The following NMRAL1 variants were observed in gnomAD, a reference collection of about 807,000 sequenced individuals.
The protein encoded by NMRAL1 is NmrA like redox sensor 1.
A neutral mutation model predicts 27.5 loss-of-function variants in NMRAL1; 32 were observed. The ratio of observed to expected loss-of-function variants is 1.16; its 90% confidence interval spans 0.88 to 1.56. The LOEUF is 1.56. NMRAL1 is among the 40% of genes most tolerant of loss of function. NMRAL1 has a pLI of 0.00. For synonymous variants in NMRAL1, 166 were observed against 166.8 expected (o/e 1.00, Z 0.04); for missense variants, 420 against 392.0 (o/e 1.07, Z -0.60).
chr16:4,462,326 A>G (rs1448952615), intron 5 of NMRAL1, among the ~76,000 whole-genome samples: 3 of 151,922 alleles, frequency 2.0e-5, no homozygotes, highest in African/African-American at 7.3e-5. Context: ...CAAAAATACA[A>G]AAATTAGCCA....
intron 5 of NMRAL1, among the ~76,000 whole-genome samples, chr16:4,462,188 AT>A (rs1308068387): frequency 3.9e-5 from 6 of 152,170 alleles, no homozygotes; most frequent in Admixed American, 3.9e-4. Flanking sequence ...CAGTTTAAAG[AT>A]TGTTCTTGGC....
intron 2 of NMRAL1, 172 bp from the exon 3 acceptor site, chr16:4,469,637 T>C: frequency 3.8e-6 from 5 of 1,319,470 alleles, no homozygotes; most frequent in Non-Finnish European, 5.0e-6. Context: ...TGAGATGGAG[T>C]CTCACTCTAT....
At chr16:4,461,998 G>C (rs1336883746) in intron 5 of NMRAL1, 39 bp from the exon 6 acceptor site, 2 of 1,571,232 alleles carry the variant, frequency 1.3e-6, no homozygotes, top group African/African-American at 2.7e-5. Flanking sequence ...GCGTCCTCCA[G>C]TGCCCCGGGA....
chr16:4,474,530 C>G (rs915501177), intron 1 of NMRAL1, 24 bp downstream of exon 1: 19 of 172,036 alleles, frequency 1.1e-4, no homozygotes, highest in Middle Eastern at 2.5e-3. Context: ...GGCGCCAACT[C>G]CCTCCCCGCA....
rs779429702 is a variant in NMRAL1, at chr16:4,462,661, C to T, written c.721-702G>A. 7.2e-4 allele frequency among the ~76,000 whole-genome samples: 110 copies of T among 151,914 alleles called. 1 individual carries two copies. The highest frequency in any genetic ancestry group is 1.3e-3 in the Non-Finnish European group (85 of 67,984). On this transcript the variant is annotated intron_variant, in intron 5 of 5. Coordinates refer to ENST00000283429, the MANE Select transcript of NMRAL1 (RefSeq NM_020677.6). The stretch of plus-strand genomic sequence containing the variant: ...GGTGGAGGTGGGAGGATCGCTTGAG[C>T]CCAGGAGTTAGGCCCACCACGCCGG...
chr16:4,462,381 G>C (rs750536018), intron 5 of NMRAL1, among the ~76,000 whole-genome samples: 1 of 152,192 alleles, frequency 6.6e-6, no homozygotes, highest in African/African-American at 2.4e-5. Context: ...AGGAGGCTGA[G>C]ACAGGAGAAT....
chr16:4,462,856 C>T (rs1464455561), intron 5 of NMRAL1, among the ~76,000 whole-genome samples: 1 of 151,592 alleles, frequency 6.6e-6, no homozygotes, highest in Non-Finnish European at 1.5e-5. Flanking sequence ...CAGTGTTTCC[C>T]AGATTCTTTT....
At position 4,469,430 on chromosome 16, in the gene NMRAL1, C is replaced by A; in HGVS notation, c.76G>T (p.Glu26Ter). 1 of 1,614,050 alleles carries A rather than the reference C, an allele frequency of 6.2e-7. No individual in the cohort carries two copies. Among genetic ancestry groups the A allele is most frequent in the Non-Finnish European group, 8.5e-7 (1 of 1,180,008 alleles). ...QGGSVARTLL[E>*]DGTFKVRVVT... ...ACTCGAACCTTGAATGTCCCATCTT[C>A]CAGGAGTGTGCGGGCCACGGAGCCA... The change falls in exon 3 of 6, where the codon GAA (glutamate) becomes TAA (stop). Residue 26 changes from glutamate (E) to a stop codon, truncating the protein, a stop_gained. Transcript: ENST00000283429. LOFTEE classifies it high-confidence loss of function.
At chr16:4,466,849 G>C (rs549534777) in intron 3 of NMRAL1, among the ~76,000 whole-genome samples, 2 of 152,320 alleles carry the variant, frequency 1.3e-5, no homozygotes, top group South Asian at 2.1e-4. Flanking sequence ...CCCCAGAGAA[G>C]TGATGGCACC....
chr16:4,461,916 C>T lies in NMRAL1; in HGVS notation c.764G>A (p.Arg255Gln), dbSNP rs143394570. ...GAAACGGAACATGTTGGCCAGGTCCCGGGCACCGGGAAAGCCAAGCTTTTC... is the reference window on the plus strand; with the variant it reads ...GAAACGGAACATGTTGGCCAGGTCCTGGGCACCGGGAAAGCCAAGCTTTTC... ...DYEKLGFPGA[R>Q]DLANMFRFYA... Residue 255 changes from arginine to glutamine, a missense_variant, in exon 6 of 6, where the codon CGG (arginine) becomes CAG (glutamine). Coordinates refer to ENST00000283429, the MANE Select transcript of NMRAL1 (RefSeq NM_020677.6). The T allele has an allele frequency of 2.5e-3, 3,989 of 1,614,098 alleles. 20 individuals are homozygous for T. The highest frequency in any genetic ancestry group is 2.3e-3 in the Non-Finnish European group (2,704 of 1,179,990).
At chr16:4,464,616 T>TG (rs1326452420) in intron 4 of NMRAL1, among the ~76,000 whole-genome samples, 1 of 148,022 alleles carries the variant, frequency 6.8e-6, no homozygotes, top group African/African-American at 2.5e-5. Context: ...TGCAGGTTTT[T>TG]TTTTTTTTTT....
chr16:4,469,177 C>T (rs1224808575), intron 3 of NMRAL1, 50 bp downstream of exon 3: 1 of 1,334,384 alleles, frequency 7.5e-7, no homozygotes, highest in African/African-American at 1.4e-5. Flanking sequence ...CTCCCAGGCG[C>T]TCTGCTCCTA....
chr16:4,473,769 T>C (rs1282149105), intron 2 of NMRAL1, among the ~76,000 whole-genome samples: 2 of 151,830 alleles, frequency 1.3e-5, no homozygotes, highest in Non-Finnish European at 2.9e-5. Flanking sequence ...CTACTAAAAA[T>C]ACAAAAATTA....
At chr16:4,468,567 G>A (rs1010123140) in intron 3 of NMRAL1, among the ~76,000 whole-genome samples, 4 of 147,140 alleles carry the variant, frequency 2.7e-5, no homozygotes, top group Non-Finnish European at 4.4e-5. Context: ...AGTGAGCCGA[G>A]ATCACCCCAC....
At chr16:4,469,941 G>C (rs1315072059) in intron 2 of NMRAL1, among the ~76,000 whole-genome samples, 1 of 151,334 alleles carries the variant, frequency 6.6e-6, no homozygotes, top group African/African-American at 2.4e-5. Context: ...AGGCCGAGTG[G>C]ATCACCAGGT....
chr16:4,476,189 C>T (rs2057823638), upstream of NMRAL1: 3 of 152,386 alleles, frequency 2.0e-5, no homozygotes, highest in Non-Finnish European at 1.5e-5. Flanking sequence ...CCTCACACAC[C>T]TCGGCTCTTG....
At position 4,466,391 on chromosome 16, in the gene NMRAL1, G is replaced by A. The variant is rs35601948; in HGVS notation, c.291C>T (p.Leu97=). 4.0e-3 allele frequency: 6,450 copies of A among 1,612,162 alleles called. 225 individuals are homozygous for A. The African/African-American group carries it at 0.074, about 19-fold the overall frequency. Residue 97 remains leucine, a synonymous_variant, in exon 4 of 6, where the codon CTC becomes CTT. Coordinates refer to ENST00000283429, the MANE Select transcript of NMRAL1 (RefSeq NM_020677.6). ...QEQEVKQGKL[L]ADLARRLGLH... is the part of the protein sequence containing the mutation. ...GGCCCAGGCGCCTGGCCAGATCAGC[G>A]AGCAGCTTCCCCTGGAGGGCAGGGA...
At chr16:4,472,270 C>T (rs1456249825) in intron 2 of NMRAL1, among the ~76,000 whole-genome samples, 8 of 151,822 alleles carry the variant, frequency 5.3e-5, no homozygotes, top group Admixed American at 2.0e-4. Flanking sequence ...GGTGAAACCC[C>T]GTCTCTACTA....
intron 3 of NMRAL1, among the ~76,000 whole-genome samples, chr16:4,468,029 G>A (rs909765013): frequency 6.6e-6 from 1 of 152,114 alleles, no homozygotes; most frequent in South Asian, 2.1e-4. Context: ...GCTGGGCGCA[G>A]TGGCTCATGC....
Sources: allele counts gnomAD v4.1 joint callset (sites outside exome capture counted in the v4.1 genomes callset), GRCh38; gene constraint gnomAD v4.1.1; transcripts MANE v1.5; gene names NCBI Gene and HGNC (gene_info 2026-07-23, HGNC 2026-07-21).